PNN: variants seen among roughly 807,000 people sequenced by gnomAD.
PNN encodes the protein pinin.
A neutral mutation model predicts 76.6 loss-of-function variants in PNN; 38 were observed. That is an observed-to-expected ratio of 0.50 (90% CI 0.38 to 0.65). The LOEUF is 0.65. PNN is among the 30% of genes least tolerant of loss of function. The probability of loss-of-function intolerance (pLI) is 0.00; values close to 1 mark genes in which losing one functional copy is unlikely to be tolerated. For missense variants in PNN, 873 were observed against 874.1 expected (o/e 1.00, Z 0.02); for synonymous variants, 366 against 283.7 (o/e 1.29, Z -2.91).
In PNN at chr14:39,180,726, A is replaced by C. The variant is rs1422825838; in HGVS notation, c.1017A>C (p.Glu339Asp). 6.3e-7 allele frequency: 1 copy of C among 1,597,348 alleles called. No homozygotes were observed. Among genetic ancestry groups the C allele is most frequent in the Non-Finnish European group, 8.5e-7 (1 of 1,170,696 alleles). Residue 339 changes from glutamate to aspartate, a missense_variant, in exon 9 of 9, where the codon GAA becomes GAC. Glu to Asp is a conservative substitution (Grantham distance 45, BLOSUM62 2). This residue lies in a region of PNN where 712 missense variants were observed against 693.1 expected (regional missense o/e 1.03). Coordinates refer to ENST00000216832, the MANE Select transcript of PNN (RefSeq NM_002687.4). ...VEIEEAGEEE[E>D]KEIAIVHSDA... ...TAGAGGAAGCAGGAGAGGAAGAGGA[A>C]AAGGAAATAGCGATTGTTCATAGTG...
Position 39,182,637 on chromosome 14 carries a change from C to T in PNN, c.*774C>T, listed in dbSNP as rs545250203. ...ATACATCTGTTAAAGAAAATCACTT[C>T]TTTCTAGGGGAGGGAGGTAGAAAAG... On this transcript the variant is annotated 3_prime_UTR_variant, in exon 9 of 9. Coordinates refer to ENST00000216832, the MANE Select transcript of PNN (RefSeq NM_002687.4). 1.8e-4 allele frequency: 28 copies of T among 152,514 alleles called. No individual in the cohort carries two copies. Among genetic ancestry groups the T allele is most frequent in the Non-Finnish European group, 1.5e-4 (10 of 68,016 alleles). 9.4% of individuals were successfully genotyped at this position (152,514 alleles called of 1,614,324 possible).
In PNN at chr14:39,182,290, T is replaced by C. The variant is rs1346984653; in HGVS notation, c.*427T>C. ...CTCGTTGACACTTGTATAATAAATA[T>C]CCTCTTTATCATTTTCAGCTTTTAA... On this transcript the variant is annotated 3_prime_UTR_variant, in exon 9 of 9. Coordinates refer to ENST00000216832, the MANE Select transcript of PNN (RefSeq NM_002687.4). The C allele has an allele frequency of 6.4e-6, 1 of 156,122 alleles. No individual in the cohort carries two copies. The highest frequency in any genetic ancestry group is 1.4e-5 in the Non-Finnish European group (1 of 70,216). 9.7% of individuals were successfully genotyped at this position (156,122 alleles called of 1,614,324 possible). A position where few individuals can be genotyped will look rare whatever the true frequency, so the allele number is the denominator to read the frequency against.
Position 39,182,615 on chromosome 14 carries a change from C to T in PNN, c.*752C>T, listed in dbSNP as rs1439713961. 6.6e-6 allele frequency: 1 copy of T among 152,436 alleles called. No homozygotes were observed. The highest frequency in any genetic ancestry group is 1.5e-5 in the Non-Finnish European group (1 of 68,022). The allele number at this position is 152,436 out of a possible 1,614,324, so 9.4% of individuals were successfully genotyped here. A position where few individuals can be genotyped will look rare whatever the true frequency, so the allele number is the denominator to read the frequency against. On this transcript the variant is annotated 3_prime_UTR_variant, in exon 9 of 9. Coordinates refer to ENST00000216832, the MANE Select transcript of PNN (RefSeq NM_002687.4). ...ATGGTTACTTGTGTGATATAACATA[C>T]ATCTGTTAAAGAAAATCACTTCTTT... is the stretch of plus-strand genomic sequence containing the variant.
chr14:39,176,985 T>G lies in PNN; in HGVS notation c.254+390T>G, dbSNP rs1013286580. Among the ~76,000 whole-genome samples, 8 of 152,286 alleles carry G rather than the reference T, an allele frequency of 5.3e-5. 1 individual carries two copies. The highest frequency in any genetic ancestry group is 4.1e-4 in the South Asian group (2 of 4,824). Reference sequence around the variant, plus strand: ...ATCCTTTCTCTGCTGGAGGAAAGAATAAAATGGGATGGAGACTTGATAGAA... The same window carrying G: ...ATCCTTTCTCTGCTGGAGGAAAGAAGAAAATGGGATGGAGACTTGATAGAA... On this transcript the variant is annotated intron_variant, in intron 3 of 8. Coordinates refer to ENST00000216832, the MANE Select transcript of PNN (RefSeq NM_002687.4).
chr14:39,177,751 G>C, intron 5 of PNN, 64 bp downstream of exon 5: 1 of 1,455,610 alleles, frequency 6.9e-7, no homozygotes, highest in Non-Finnish European at 9.7e-7. Context: ...TCAAGGGATT[G>C]TTCAAGCATC....
rs777878935 is a variant in PNN, at chr14:39,175,279, G to A, written c.-1G>A. On this transcript the variant is annotated 5_prime_UTR_variant, in exon 1 of 9. Transcript: ENST00000216832. Reference sequence around the variant, plus strand: ...AGTCTCAAGCCTGCCGCAGGGAGAAGATGGCGGTCGCCGTGAGAACTTTGC... The same window carrying A: ...AGTCTCAAGCCTGCCGCAGGGAGAAAATGGCGGTCGCCGTGAGAACTTTGC... 4 of 1,589,020 alleles carry A rather than the reference G, an allele frequency of 2.5e-6. No homozygotes were observed. Among genetic ancestry groups the A allele is most frequent in the Non-Finnish European group, 3.4e-6 (4 of 1,160,966 alleles).
At chr14:39,175,672 C>G in intron 1 of PNN, 3 of 493,362 alleles carry the variant, frequency 6.1e-6, no homozygotes, top group Non-Finnish European at 1.1e-5. Flanking sequence ...TTCCCGCTCT[C>G]GGCCCTGCAG....
rs922940262 is a variant in PNN, at chr14:39,182,562, A to G, written c.*699A>G. On this transcript the variant is annotated 3_prime_UTR_variant, in exon 9 of 9. Coordinates refer to ENST00000216832, the MANE Select transcript of PNN (RefSeq NM_002687.4). ...TGATCTGGTTGGCATTTTCTTCCTG[A>G]TGATGGGAGCGTCATTCTTTTGTCT... The G allele has an allele frequency of 3.9e-5, 6 of 152,518 alleles. No homozygotes were observed. The highest frequency in any genetic ancestry group is 1.4e-4 in the African/African-American group (6 of 41,456). 9.4% of individuals were successfully genotyped at this position (152,518 alleles called of 1,614,324 possible).
Position 39,182,096 on chromosome 14 carries a change from TA to T in PNN, c.*240del, listed in dbSNP as rs927203371. 2.2e-5 allele frequency: 9 copies of T among 403,926 alleles called. No homozygotes were observed. The highest frequency in any genetic ancestry group is 8.8e-6 in the Non-Finnish European group (2 of 228,122). The allele number at this position is 403,926 out of a possible 1,614,324, so 25.0% of individuals were successfully genotyped here. A position where few individuals can be genotyped will look rare whatever the true frequency, so the allele number is the denominator to read the frequency against. ...CCAAAATATGTAAAAATGATAATAA[TA>T]AAAAAAGATTAACATCCCTTGTCAT... On this transcript the variant is annotated 3_prime_UTR_variant, in exon 9 of 9. Coordinates refer to ENST00000216832, the MANE Select transcript of PNN (RefSeq NM_002687.4).
intron 6 of PNN, among the ~76,000 whole-genome samples, chr14:39,178,612 A>G (rs1401810901): frequency 6.9e-6 from 1 of 144,680 alleles, no homozygotes; most frequent in Non-Finnish European, 1.5e-5. Context: ...GGGTTTTATC[A>G]TGTTGCCCAG....
Position 39,179,308 on chromosome 14 carries a change from T to C in PNN, c.655-16T>C, listed in dbSNP as rs1319485321. On this transcript the variant is annotated splice_polypyrimidine_tract_variant and intron_variant, in intron 7 of 8. Transcript: ENST00000216832. ...TTTGTGTTTACAAAAGCACTGACCC[T>C]TTACCTTTTCTTTAGCAAGAAGAAT... 6.2e-7 allele frequency: 1 copy of C among 1,609,714 alleles called. No homozygotes were observed. Among genetic ancestry groups the C allele is most frequent in the Admixed American group, 1.7e-5 (1 of 58,738 alleles).
chr14:39,182,491 C>T lies in PNN; in HGVS notation c.*628C>T, dbSNP rs1180293215. The T allele has an allele frequency of 3.9e-5, 6 of 152,588 alleles. No homozygotes were observed. The highest frequency in any genetic ancestry group is 7.2e-5 in the African/African-American group (3 of 41,432). 9.5% of individuals were successfully genotyped at this position (152,588 alleles called of 1,614,324 possible). ...TTATTTTAATCTAAGCATTTTCCCCCGTTTCTCATATTTTAACCATATGTT... is the reference window on the plus strand; with the variant it reads ...TTATTTTAATCTAAGCATTTTCCCCTGTTTCTCATATTTTAACCATATGTT... On this transcript the variant is annotated 3_prime_UTR_variant, in exon 9 of 9. Coordinates refer to ENST00000216832, the MANE Select transcript of PNN (RefSeq NM_002687.4).
intron 6 of PNN, 86 bp downstream of exon 6, chr14:39,178,002 C>G: frequency 1.1e-6 from 1 of 874,222 alleles, no homozygotes; most frequent in South Asian, 1.5e-5. Context: ...CCTTAAAGCT[C>G]TTTTAAGACC....
chr14:39,179,049 A>G, intron 6 of PNN, 42 bp from the exon 7 acceptor site: 1 of 1,565,434 alleles, frequency 6.4e-7, no homozygotes, highest in Non-Finnish European at 8.7e-7. Flanking sequence ...TGTTGTAACT[A>G]TTTCAACACG....
chr14:39,177,545 A>T (rs367614174), intron 4 of PNN, 48 bp from the exon 5 acceptor site: 41 of 1,592,298 alleles, frequency 2.6e-5, no homozygotes, highest in Non-Finnish European at 2.8e-5. Flanking sequence ...ATTTAAAAGC[A>T]CACCACTCAT....
In PNN at chr14:39,177,976, GT is replaced by G. The variant is rs202226032; in HGVS notation, c.498+68del. On this transcript the variant is annotated intron_variant, in intron 6 of 8. Coordinates refer to ENST00000216832, the MANE Select transcript of PNN (RefSeq NM_002687.4). ...TAAGTTATCAAAGTAGTAGATTAAT[GT>G]TTTTTTTAAAAAATCCTTAAAGCTC... 7,516 of 1,058,546 alleles carry G rather than the reference GT, an allele frequency of 7.1e-3. 339 individuals carry two copies. In the African/African-American group the frequency reaches 0.1, roughly 14 times the overall value. The allele number at this position is 1,058,546 out of a possible 1,614,324, so 65.6% of individuals were successfully genotyped here.
At position 39,183,066 on chromosome 14, in the gene PNN, T is replaced by C. The variant is rs1403433596; in HGVS notation, c.*1203T>C. 6.5e-6 allele frequency: 1 copy of C among 152,694 alleles called. No homozygotes were observed. The highest frequency in any genetic ancestry group is 1.5e-5 in the Non-Finnish European group (1 of 68,038). The allele number at this position is 152,694 out of a possible 1,614,324, so 9.5% of individuals were successfully genotyped here. On this transcript the variant is annotated 3_prime_UTR_variant, in exon 9 of 9. Coordinates refer to ENST00000216832, the MANE Select transcript of PNN (RefSeq NM_002687.4). ...CTTGACTTTGAATATTCATTTTGCC[T>C]TCCCTTGACAAGTAAATGGTTACAG... is the stretch of plus-strand genomic sequence containing the variant.
chr14:39,178,742 A>G (rs1332914648), intron 6 of PNN, among the ~76,000 whole-genome samples: 1 of 147,060 alleles, frequency 6.8e-6, no homozygotes, highest in Non-Finnish European at 1.5e-5. Context: ...AAAAAAAAAA[A>G]AAAATTTTTT....
intron 8 of PNN, 80 bp downstream of exon 8, chr14:39,179,542 A>G: frequency 4.2e-6 from 5 of 1,182,642 alleles, no homozygotes; most frequent in Non-Finnish European, 5.9e-6. Context: ...GTTTTCTAAA[A>G]TAATTATGAT....
Sources: allele counts gnomAD v4.1 joint callset (sites outside exome capture counted in the v4.1 genomes callset), GRCh38; gene constraint gnomAD v4.1.1; regional missense constraint gnomAD v4.1.1; transcripts MANE v1.5; gene names NCBI Gene and HGNC (gene_info 2026-07-23, HGNC 2026-07-21).